The following TMPRSS5 variants were observed in gnomAD, a reference collection of about 807,000 sequenced individuals.
TMPRSS5 encodes the protein transmembrane serine protease 5, also known as transmembrane protease serine 5.
In TMPRSS5, 45 loss-of-function variants were observed where a neutral mutation model predicts 59.7. The ratio of observed to expected loss-of-function variants is 0.75; its 90% CI spans 0.59 to 0.97. The LOEUF (loss-of-function observed/expected upper bound fraction) is 0.97. Among genes scored for constraint, TMPRSS5 ranks in the 50% least tolerant of loss-of-function variants. TMPRSS5 has a pLI of 0.00. For missense variants in TMPRSS5, 585 were observed against 596.7 expected (o/e 0.98, Z 0.20); for synonymous variants, 225 against 232.0 (o/e 0.97, Z 0.27).
At position 113,706,247 on chromosome 11, in the gene TMPRSS5, A is replaced by G; in HGVS notation, c.-23T>C. On this transcript the variant is annotated 5_prime_UTR_variant, in exon 1 of 13. Coordinates refer to ENST00000299882, the MANE Select transcript of TMPRSS5 (RefSeq NM_030770.4). ...CATAGGGGTCAGTGGCACTGTTGTA[A>G]AGCCTCAGGGTCTACTAGGCAATGT... 6.2e-7 allele frequency: 1 copy of G among 1,600,746 alleles called. No homozygotes were observed. The highest frequency in any genetic ancestry group is 8.5e-7 in the Non-Finnish European group (1 of 1,173,908).
intron 2 of TMPRSS5, 161 bp downstream of exon 2, chr11:113,699,905 A>C (rs1241573139): frequency 1.3e-6 from 2 of 1,509,220 alleles, no homozygotes; most frequent in African/African-American, 2.8e-5. Context: ...CAATCCCTAA[A>C]GTGGGAAATG....
At chr11:113,699,173 C>A in intron 3 of TMPRSS5, 146 bp from the exon 4 acceptor site, 2 of 699,226 alleles carry the variant, frequency 2.9e-6, no homozygotes, top group East Asian at 3.5e-5. Flanking sequence ...TCGGCCTCAG[C>A]CTCTATCTCT....
chr11:113,703,076 G>A (rs929863494), intron 1 of TMPRSS5, among the ~76,000 whole-genome samples: 1 of 152,204 alleles, frequency 6.6e-6, no homozygotes, highest in African/African-American at 2.4e-5. Flanking sequence ...ACCCCAGAAT[G>A]GTAGATCCAC....
At position 113,697,484 on chromosome 11, in the gene TMPRSS5, G is replaced by A. The variant is rs1591383100; in HGVS notation, c.329-66C>T. 3.8e-6 allele frequency: 6 copies of A among 1,568,936 alleles called. No homozygotes were observed. The East Asian group carries it at 9.2e-5, about 24-fold the overall frequency. The stretch of plus-strand genomic sequence containing the variant: ...GTGGTAGGGTGGGACAGGAAGAGCT[G>A]GACCCAGGATTCTGTAGTACTTGAA... On this transcript the variant is annotated intron_variant, in intron 4 of 12. Transcript: ENST00000299882.
intron 10 of TMPRSS5, 150 bp from the exon 11 acceptor site, chr11:113,690,523 A>G: frequency 2.4e-6 from 3 of 1,252,468 alleles, no homozygotes; most frequent in Non-Finnish European, 2.2e-6. Context: ...GCAAGGAAGC[A>G]GTAGGCTATC....
chr11:113,693,865 T>G (rs1411728462), intron 8 of TMPRSS5: 1 of 152,414 alleles, frequency 6.6e-6, no homozygotes, highest in East Asian at 1.9e-4. Context: ...GCTTCCCATC[T>G]AAAGGGGAAG....
Position 113,700,170 on chromosome 11 carries a change from TG to T in TMPRSS5, c.4-3del. On this transcript the variant is annotated splice_polypyrimidine_tract_variant and splice_region_variant and intron_variant, in intron 1 of 12. Coordinates refer to ENST00000299882, the MANE Select transcript of TMPRSS5 (RefSeq NM_030770.4). ...GGGTTGGTCATCCAGCATCAGGCTCTGGGGAAATAAGGGCCAGACACCCAGG... is the reference window on the plus strand; with the variant it reads ...GGGTTGGTCATCCAGCATCAGGCTCTGGGAAATAAGGGCCAGACACCCAGG... The T allele has an allele frequency of 2.6e-6, 4 of 1,557,046 alleles. No homozygotes were observed. Among genetic ancestry groups the T allele is most frequent in the Admixed American group, 1.9e-5 (1 of 53,140 alleles).
At chr11:113,690,784 G>T in intron 10 of TMPRSS5, 57 bp downstream of exon 10, 1 of 1,471,306 alleles carries the variant, frequency 6.8e-7, no homozygotes, top group Non-Finnish European at 9.3e-7. Flanking sequence ...GCCTCACCCT[G>T]GGGAAGAATG....
intron 4 of TMPRSS5, among the ~76,000 whole-genome samples, chr11:113,698,318 C>T (rs1567391): frequency 6.6e-6 from 1 of 152,210 alleles, no homozygotes; most frequent in South Asian, 2.1e-4. Context: ...TATCCTTAAA[C>T]AATTTGTGCA....
At chr11:113,706,095 C>G in intron 1 of TMPRSS5, 127 bp downstream of exon 1, 2 of 1,139,762 alleles carry the variant, frequency 1.8e-6, no homozygotes, top group Non-Finnish European at 1.3e-6. Context: ...CTGCTAGGAT[C>G]CAGCCCCTGT....
intron 1 of TMPRSS5, among the ~76,000 whole-genome samples, chr11:113,701,132 T>A (rs1347481148): frequency 6.6e-6 from 1 of 152,224 alleles, no homozygotes; most frequent in African/African-American, 2.4e-5. Flanking sequence ...CAGTAATTCT[T>A]TATAGCAGTG....
At chr11:113,701,232 T>C (rs1410878185) in intron 1 of TMPRSS5, among the ~76,000 whole-genome samples, 3 of 152,172 alleles carry the variant, frequency 2.0e-5, no homozygotes. Context: ...AGGTAGAGGT[T>C]GGAATAGTTT....
rs1318470741 is a variant in TMPRSS5 at position 113,693,146 on chromosome 11, G to A, written c.889C>T (p.His297Tyr). 3.8e-6 allele frequency: 6 copies of A among 1,599,858 alleles called. No homozygotes were observed. Among genetic ancestry groups the A allele is most frequent in the East Asian group, 2.3e-5 (1 of 44,294 alleles). Residue 297 changes from histidine to tyrosine, a missense_variant, in exon 9 of 13, where the codon CAC becomes TAC. Transcript: ENST00000299882. ...TGATTCTGGGCACTGTAGAGGGGGTGTGGGATAATCCTCTCCACCAGAGCC... is the reference window on the plus strand; with the variant it reads ...TGATTCTGGGCACTGTAGAGGGGGTATGGGATAATCCTCTCCACCAGAGCC... ...QGALVERIIP[H>Y]PLYSAQNHDY...
intron 2 of TMPRSS5, 103 bp downstream of exon 2, chr11:113,699,963 A>G: frequency 6.5e-7 from 1 of 1,544,430 alleles, no homozygotes; most frequent in Admixed American, 2.0e-5. Flanking sequence ...GCCTCTCACC[A>G]TCAATCATGT....
chr11:113,693,250 C>A lies in TMPRSS5; in HGVS notation c.786-1G>T. ...GCTGGACAGGCGGGCCAGCCTGAAA[C>A]TGCACACAGGGGCCATGCTGAGCGG... On this transcript the variant is annotated splice_acceptor_variant, in intron 8 of 12. Transcript: ENST00000299882. LOFTEE classifies it high-confidence loss of function. 6.4e-7 allele frequency: 1 copy of A among 1,557,870 alleles called. No homozygotes were observed. The highest frequency in any genetic ancestry group is 1.4e-5 in the African/African-American group (1 of 73,636).
chr11:113,695,697 A>G (rs1452636902), intron 6 of TMPRSS5, among the ~76,000 whole-genome samples: 1 of 152,162 alleles, frequency 6.6e-6, no homozygotes, highest in East Asian at 1.9e-4. Context: ...GAAGGACTTC[A>G]TGGTCCTTGC....
intron 9 of TMPRSS5, among the ~76,000 whole-genome samples, chr11:113,691,176 A>G (rs1952769955): frequency 6.6e-6 from 1 of 151,982 alleles, no homozygotes; most frequent in Non-Finnish European, 1.5e-5. Context: ...GGCGCCCTCT[A>G]TGGGTGGACA....
Position 113,694,632 on chromosome 11 carries a change from C to T in TMPRSS5, c.631G>A (p.Ala211Thr), listed in dbSNP as rs138025912. 2.2e-4 allele frequency: 338 copies of T among 1,543,456 alleles called. 1 individual carries two copies. In the African/African-American group the frequency reaches 4.2e-3, roughly 19 times the overall value. Residue 211 changes from alanine to threonine, a missense_variant, in exon 8 of 13, where the codon GCG becomes ACG. Ala to Thr is a moderately conservative substitution (Grantham distance 58). Transcript: ENST00000299882. ...VVSLRCSECG[A>T]RPLASRIVGG... ...ACTATCCGGGAAGCCAGGGGCCTCG[C>T]TCCACACTCTGCCAACAGAGATGGG...
intron 11 of TMPRSS5, 55 bp downstream of exon 11, chr11:113,690,176 G>GCCCCACCCC: frequency 2.6e-6 from 1 of 388,222 alleles, no homozygotes; most frequent in Non-Finnish European, 4.2e-6. Context: ...CAGGCCCCCT[G>GCCCCACCCC]CCCTCCCACC....
Sources: gnomAD v4.1 joint callset for allele counts (sites outside exome capture counted in the v4.1 genomes callset) on GRCh38, gnomAD v4.1.1 for gene constraint, MANE v1.5 for transcripts, NCBI Gene and HGNC (gene_info 2026-07-23, HGNC 2026-07-21) for gene names.